The following SYT16 variants were observed in gnomAD, a reference collection of about 807,000 sequenced individuals.
SYT16 encodes synaptotagmin 16.
A neutral mutation model predicts 61.4 loss-of-function variants in SYT16; 42 were observed. The ratio of observed to expected loss-of-function variants is 0.68; its 90% confidence interval spans 0.53 to 0.89. SYT16 has a LOEUF of 0.89. Among genes scored for constraint, SYT16 ranks in the 40% least tolerant of loss-of-function variants. The pLI, the probability that SYT16 is intolerant of heterozygous loss-of-function variation, is 0.00. For synonymous variants in SYT16, 314 were observed against 302.3 expected, an observed-to-expected ratio of 1.04 and a Z score of -0.40; for missense variants, 804 against 807.3, an observed-to-expected ratio of 1.00 and a Z score of 0.05.
intron 1 of SYT16, among the ~76,000 whole-genome samples, chr14:61,918,525 A>C (rs1489576059): frequency 1.3e-5 from 2 of 152,204 alleles, no homozygotes; most frequent in Admixed American, 1.3e-4. Flanking sequence ...CTTATGTTGA[A>C]AATACCTAGT....
intron 1 of SYT16, among the ~76,000 whole-genome samples, chr14:61,813,362 G>C (rs1349261181): frequency 1.3e-5 from 2 of 152,242 alleles, no homozygotes; most frequent in Admixed American, 1.3e-4. Context: ...TTGAAACTCT[G>C]AATGGAAGCG....
chr14:62,035,245 T>C (rs1244016126), intron 3 of SYT16, among the ~76,000 whole-genome samples: 1 of 152,198 alleles, frequency 6.6e-6, no homozygotes, highest in African/African-American at 2.4e-5. Flanking sequence ...ATTCCAGAAC[T>C]CAGCATGCAG....
In SYT16 at chr14:62,107,534, T is replaced by A. The variant is rs982702913; in HGVS notation, c.*6827T>A. 1.3e-5 allele frequency: 2 copies of A among 152,170 alleles called. No homozygotes were observed. The highest frequency in any genetic ancestry group is 4.8e-5 in the African/African-American group (2 of 41,442). The allele number at this position is 152,170 out of a possible 1,614,324, so 9.4% of individuals were successfully genotyped here. A position where few individuals can be genotyped will look rare whatever the true frequency, so the allele number is the denominator to read the frequency against. On this transcript the variant is annotated 3_prime_UTR_variant, in exon 8 of 8. Transcript: ENST00000683842. Reference sequence around the variant, plus strand: ...ATAAAATAGTTTAAGTTCAACAATATTTTTTTGTTGTTTCTAAATATTCTT... The same window carrying A: ...ATAAAATAGTTTAAGTTCAACAATAATTTTTTGTTGTTTCTAAATATTCTT...
intron 1 of SYT16, among the ~76,000 whole-genome samples, chr14:61,836,540 C>G (rs1410416557): frequency 6.6e-6 from 1 of 152,172 alleles, no homozygotes; most frequent in Non-Finnish European, 1.5e-5. Context: ...CATTCCTTCC[C>G]CAGTCCCTCA....
At chr14:61,839,184 T>C (rs928171140) in intron 1 of SYT16, among the ~76,000 whole-genome samples, 6 of 152,172 alleles carry the variant, frequency 3.9e-5, no homozygotes, top group African/African-American at 1.2e-4. Flanking sequence ...GGTAACATTA[T>C]TGAGATGTGT....
At chr14:61,833,138 G>C (rs895285076) in intron 1 of SYT16, among the ~76,000 whole-genome samples, 1 of 152,070 alleles carries the variant, frequency 6.6e-6, no homozygotes, top group African/African-American at 2.4e-5. Flanking sequence ...TGTGTTTACT[G>C]TATCCCTAGG....
At chr14:62,026,434 A>G (rs1315620251) in intron 3 of SYT16, among the ~76,000 whole-genome samples, 1 of 152,132 alleles carries the variant, frequency 6.6e-6, no homozygotes, top group East Asian at 1.9e-4. Flanking sequence ...GCATCCTCAC[A>G]TGGCAGAAGG....
chr14:62,011,167 G>A (rs1424882284), intron 3 of SYT16, among the ~76,000 whole-genome samples: 1 of 152,154 alleles, frequency 6.6e-6, no homozygotes, highest in Non-Finnish European at 1.5e-5. Context: ...AAAGGTGTGA[G>A]CTCAAGTAAT....
chr14:61,971,847 A>G (rs561246763), intron 2 of SYT16, among the ~76,000 whole-genome samples: 1 of 152,348 alleles, frequency 6.6e-6, no homozygotes, highest in East Asian at 1.9e-4. Context: ...TATTTTAATT[A>G]CAGCTTGCCA....
At position 62,011,874 on chromosome 14, in the gene SYT16, TACACAC is replaced by T. The variant is rs576570781; in HGVS notation, c.523+15358_523+15363del. On this transcript the variant is annotated intron_variant, in intron 3 of 7. Coordinates refer to ENST00000683842, the MANE Select transcript of SYT16 (RefSeq NM_001367656.1). ...ACCACAAGTCAGGGAACACTATATA[TACACAC>T]ACACACACACACACACACACACACA... 8.1e-4 allele frequency among the ~76,000 whole-genome samples: 111 copies of T among 136,494 alleles called. 2 individuals are homozygous for T. Among genetic ancestry groups the T allele is most frequent in the South Asian group, 6.8e-3 (30 of 4,384 alleles). 89.5% of individuals were successfully genotyped at this position (136,494 alleles called of 152,430 possible).
chr14:62,072,101 T>C (rs1010334898), intron 4 of SYT16, among the ~76,000 whole-genome samples: 1 of 152,200 alleles, frequency 6.6e-6, no homozygotes, highest in Admixed American at 6.5e-5. Context: ...ACGTGAAAGG[T>C]TAGCTGTAGA....
chr14:61,824,691 A>G (rs2045722108), intron 1 of SYT16, among the ~76,000 whole-genome samples: 1 of 152,162 alleles, frequency 6.6e-6, no homozygotes, highest in Non-Finnish European at 1.5e-5. Flanking sequence ...CATTCTGTTT[A>G]TCTGCTGTGA....
intron 1 of SYT16, among the ~76,000 whole-genome samples, chr14:61,946,666 G>A (rs2050450911): frequency 6.6e-6 from 1 of 152,148 alleles, no homozygotes; most frequent in African/African-American, 2.4e-5. Context: ...GAAAGTTAGA[G>A]AAATGGGCAC....
chr14:61,836,721 G>A (rs1480991573), intron 1 of SYT16, among the ~76,000 whole-genome samples: 1 of 152,210 alleles, frequency 6.6e-6, no homozygotes, highest in Non-Finnish European at 1.5e-5. Context: ...TTACATGGCA[G>A]CTTACAGAAT....
At position 62,109,497 on chromosome 14, in the gene SYT16, T is replaced by C. The variant is rs1404078846; in HGVS notation, c.*8790T>C. The C allele has an allele frequency of 6.6e-6, 1 of 152,182 alleles. No homozygotes were observed. Among genetic ancestry groups the C allele is most frequent in the East Asian group, 1.9e-4 (1 of 5,202 alleles). 9.4% of individuals were successfully genotyped at this position (152,182 alleles called of 1,614,324 possible). A position where few individuals can be genotyped will look rare whatever the true frequency, so the allele number is the denominator to read the frequency against. ...GAAAAGCTGCATATATTTTATATGATCCATCAAATAAAATGTAGCAACTTC... is the reference window on the plus strand; with the variant it reads ...GAAAAGCTGCATATATTTTATATGACCCATCAAATAAAATGTAGCAACTTC... On this transcript the variant is annotated 3_prime_UTR_variant, in exon 8 of 8. Transcript: ENST00000683842.
chr14:61,871,205 T>A (rs1011470908), intron 1 of SYT16, among the ~76,000 whole-genome samples: 3 of 152,004 alleles, frequency 2.0e-5, no homozygotes. Flanking sequence ...CTTTATACTC[T>A]ATATATTAGT....
intron 2 of SYT16, among the ~76,000 whole-genome samples, chr14:61,990,376 T>C (rs2052497614): frequency 6.6e-6 from 1 of 152,198 alleles, no homozygotes; most frequent in Non-Finnish European, 1.5e-5. Context: ...AACCCATGGT[T>C]CTTGACTTTT....
chr14:61,938,824 C>T (rs575988235), intron 1 of SYT16, among the ~76,000 whole-genome samples: 2 of 152,120 alleles, frequency 1.3e-5, no homozygotes, highest in African/African-American at 2.4e-5. Flanking sequence ...TGTGGTAATT[C>T]CTAAAGGATA....
At chr14:61,955,011 C>T (rs1162885776) in intron 1 of SYT16, among the ~76,000 whole-genome samples, 1 of 151,892 alleles carries the variant, frequency 6.6e-6, no homozygotes, top group African/African-American at 2.4e-5. Context: ...AATTCAGACC[C>T]TTTTAATAAT....
Sources: gnomAD v4.1 joint callset for allele counts (sites outside exome capture counted in the v4.1 genomes callset) on GRCh38, gnomAD v4.1.1 for gene constraint, MANE v1.5 for transcripts, NCBI Gene and HGNC (gene_info 2026-07-23, HGNC 2026-07-21) for gene names.